SUCLG2: variants seen among roughly 807,000 people sequenced by gnomAD.
The protein encoded by SUCLG2 is succinate-CoA ligase GDP-forming subunit beta, also known as succinate--CoA ligase [GDP-forming] subunit beta, mitochondrial.
A neutral mutation model predicts 47.9 loss-of-function variants in SUCLG2; 42 were observed. The observed-to-expected ratio is 0.88, with a 90% CI of 0.69 to 1.14. SUCLG2 has a LOEUF of 1.14. SUCLG2 is among the 50% of genes most tolerant of loss of function. SUCLG2 has a pLI of 0.00. For missense variants in SUCLG2, 571 were observed against 525.9 expected, an observed-to-expected ratio of 1.09 and a Z score of -0.84; for synonymous variants, 195 against 197.3, an observed-to-expected ratio of 0.99 and a Z score of 0.10.
At chr3:67,394,453 G>A (rs9757092) in intron 10 of SUCLG2, among the ~76,000 whole-genome samples, 19 of 148,688 alleles carry the variant, frequency 1.3e-4, no homozygotes, top group African/African-American at 3.2e-4. Context: ...GAAATGAAGC[G>A]AGAAGGGAAG....
chr3:67,586,756 T>A (rs1708030863), intron 2 of SUCLG2, among the ~76,000 whole-genome samples: 1 of 152,178 alleles, frequency 6.6e-6, no homozygotes, highest in Non-Finnish European at 1.5e-5. Context: ...GAGGTTCCAA[T>A]TCCAAATGTG....
At chr3:67,440,201 C>T (rs1703726122) in intron 9 of SUCLG2, among the ~76,000 whole-genome samples, 2 of 152,118 alleles carry the variant, frequency 1.3e-5, no homozygotes, top group South Asian at 4.1e-4. Context: ...AAGCTGGACT[C>T]CTTCCTTACA....
chr3:67,585,514 T>C (rs150072150), intron 2 of SUCLG2, among the ~76,000 whole-genome samples: 1 of 152,294 alleles, frequency 6.6e-6, no homozygotes, highest in Non-Finnish European at 1.5e-5. Flanking sequence ...GCAAAGGACA[T>C]TCTTCAGAAC....
At chr3:67,633,359 T>C (rs1438830732) in intron 1 of SUCLG2, among the ~76,000 whole-genome samples, 1 of 152,194 alleles carries the variant, frequency 6.6e-6, no homozygotes, top group South Asian at 2.1e-4. Context: ...TCAGTTTCTG[T>C]AGTAAAGTCA....
intron 1 of SUCLG2, among the ~76,000 whole-genome samples, chr3:67,653,627 C>G (rs1166630381): frequency 2.0e-5 from 3 of 152,332 alleles, no homozygotes; most frequent in Middle Eastern, 3.4e-3. Context: ...GTCATTAACT[C>G]TGCTGTGGCT....
chr3:67,433,155 A>G (rs967558667), intron 9 of SUCLG2, among the ~76,000 whole-genome samples: 2 of 152,066 alleles, frequency 1.3e-5, no homozygotes, highest in African/African-American at 4.8e-5. Context: ...TCCTCTAGTA[A>G]AAGTTCAAAA....
chr3:67,408,758 G>T, intron 9 of SUCLG2: 1 of 1,338,606 alleles, frequency 7.5e-7, no homozygotes, highest in Non-Finnish European at 9.5e-7. Context: ...ATTTTCCTAG[G>T]TGCTAAAATT....
At chr3:67,397,903 A>T (rs538929665) in intron 10 of SUCLG2, among the ~76,000 whole-genome samples, 1 of 151,322 alleles carries the variant, frequency 6.6e-6, no homozygotes, top group South Asian at 2.1e-4. Flanking sequence ...TAACCTGACA[A>T]AAAGAAGCAA....
At chr3:67,469,037 G>C (rs752978944) in intron 9 of SUCLG2, among the ~76,000 whole-genome samples, 4 of 152,310 alleles carry the variant, frequency 2.6e-5, no homozygotes, top group Admixed American at 2.6e-4. Flanking sequence ...CATGAGAAGG[G>C]AAAGTCTGGA....
intron 4 of SUCLG2, among the ~76,000 whole-genome samples, chr3:67,525,581 C>A (rs1575754934): frequency 6.6e-6 from 1 of 152,068 alleles, no homozygotes; most frequent in East Asian, 1.9e-4. Context: ...AGCCCTTTTG[C>A]CCCTTAAAAA....
At chr3:67,646,335 G>A (rs528140848) in intron 1 of SUCLG2, among the ~76,000 whole-genome samples, 9 of 152,248 alleles carry the variant, frequency 5.9e-5, no homozygotes, top group Admixed American at 2.0e-4. Flanking sequence ...GGTGGCTCAC[G>A]CCTTAATCCC....
intron 9 of SUCLG2, among the ~76,000 whole-genome samples, chr3:67,413,907 A>G (rs1319473830): frequency 6.6e-6 from 1 of 152,182 alleles, no homozygotes; most frequent in Non-Finnish European, 1.5e-5. Flanking sequence ...CATGTTTCTC[A>G]GTGTGGGTTT....
At chr3:67,615,489 A>G (rs577004603) in intron 1 of SUCLG2, among the ~76,000 whole-genome samples, 35 of 152,190 alleles carry the variant, frequency 2.3e-4, no homozygotes, top group African/African-American at 8.4e-4. Flanking sequence ...CTCACTTGGG[A>G]AGGCAGCATA....
intron 1 of SUCLG2, among the ~76,000 whole-genome samples, chr3:67,630,995 C>G (rs955902513): frequency 2.0e-5 from 3 of 152,146 alleles, no homozygotes; most frequent in Non-Finnish European, 2.9e-5. Flanking sequence ...AGTTTGCAGA[C>G]CAATGTCCTA....
chr3:67,581,631 G>A (rs56193099), intron 2 of SUCLG2, among the ~76,000 whole-genome samples: 69,944 of 152,028 alleles, frequency 0.46, 17,088 homozygotes, highest in Admixed American at 0.55. Context: ...TCAAGTTAGG[G>A]AGACAGATGA....
At chr3:67,531,502 A>T (rs1195830911) in intron 2 of SUCLG2, among the ~76,000 whole-genome samples, 1 of 150,560 alleles carries the variant, frequency 6.6e-6, no homozygotes, top group East Asian at 2.0e-4. Context: ...TGTATCCTCA[A>T]TGAAGTGTTG....
chr3:67,544,304 T>C (rs1706803656), intron 2 of SUCLG2, among the ~76,000 whole-genome samples: 1 of 152,158 alleles, frequency 6.6e-6, no homozygotes, highest in East Asian at 1.9e-4. Flanking sequence ...CATCTCAAAT[T>C]GTAATCCCCT....
At chr3:67,422,812 T>C (rs1166957397) in intron 9 of SUCLG2, among the ~76,000 whole-genome samples, 2 of 152,142 alleles carry the variant, frequency 1.3e-5, no homozygotes, top group Non-Finnish European at 2.9e-5. Context: ...AACTGACGGA[T>C]AGGGCATCTG....
intron 2 of SUCLG2, among the ~76,000 whole-genome samples, chr3:67,547,477 G>A (rs779707491): frequency 6.6e-6 from 1 of 152,058 alleles, no homozygotes; most frequent in Admixed American, 6.6e-5. Context: ...ACTCTCCTTC[G>A]TCCTCAAGCA....
Sources: gnomAD v4.1 joint callset for allele counts (sites outside exome capture counted in the v4.1 genomes callset) on GRCh38, gnomAD v4.1.1 for gene constraint, MANE v1.5 for transcripts, NCBI Gene and HGNC (gene_info 2026-07-23, HGNC 2026-07-21) for gene names.